The following BRINP3 variants were observed in gnomAD, a reference collection of about 807,000 sequenced individuals.
BRINP3 encodes the protein BMP/retinoic acid inducible neural specific 3.
In BRINP3, 19 loss-of-function variants were observed where a neutral mutation model predicts 71.0. The observed-to-expected ratio is 0.27, with a 90% CI of 0.19 to 0.39. The LOEUF (loss-of-function observed/expected upper bound fraction) is 0.39, where lower values mean the gene tolerates loss of function less well. BRINP3 is among the 10% of genes least tolerant of loss of function. The pLI, the probability that BRINP3 is intolerant of heterozygous loss-of-function variation, is 1.00. For missense variants in BRINP3, 959 were observed against 940.8 expected (o/e 1.02, Z -0.25); for synonymous variants, 380 against 337.7 (o/e 1.13, Z -1.37).
At chr1:190,245,370 T>C (rs1571488395) in intron 4 of BRINP3, among the ~76,000 whole-genome samples, 1 of 151,724 alleles carries the variant, frequency 6.6e-6, no homozygotes, top group East Asian at 1.9e-4. Flanking sequence ...ACAAATTAAT[T>C]ATATAGGAGA....
At chr1:190,338,646 C>T (rs958688163) in intron 2 of BRINP3, among the ~76,000 whole-genome samples, 4 of 151,884 alleles carry the variant, frequency 2.6e-5, no homozygotes, top group Non-Finnish European at 5.9e-5. Flanking sequence ...CTGTTTTTGT[C>T]TATCAATTTA....
intron 6 of BRINP3, among the ~76,000 whole-genome samples, chr1:190,213,634 A>G (rs1411150704): frequency 6.6e-6 from 1 of 152,032 alleles, no homozygotes; most frequent in African/African-American, 2.4e-5. Flanking sequence ...CCTTGCCATG[A>G]TCATGAATAA....
chr1:190,203,479 G>A (rs12744191), intron 6 of BRINP3, among the ~76,000 whole-genome samples: 56,429 of 146,876 alleles, frequency 0.38, 11,473 homozygotes, highest in Non-Finnish European at 0.46. Flanking sequence ...GTGTGTGTGT[G>A]TATATATATA....
intron 1 of BRINP3, among the ~76,000 whole-genome samples, chr1:190,476,196 C>A (rs1429123274): frequency 1.4e-5 from 2 of 147,350 alleles, no homozygotes; most frequent in Admixed American, 1.4e-4. Context: ...AAAAACATTG[C>A]TTGGGTTGTC....
chr1:190,104,801 A>G (rs1454354267), intron 7 of BRINP3, among the ~76,000 whole-genome samples: 1 of 152,058 alleles, frequency 6.6e-6, no homozygotes. Context: ...CTCATGGTTA[A>G]ATCTGCTCTG....
intron 2 of BRINP3, among the ~76,000 whole-genome samples, chr1:190,444,566 T>C (rs191534438): frequency 1.5e-4 from 23 of 152,208 alleles, no homozygotes; most frequent in Admixed American, 1.4e-3. Flanking sequence ...GACAGAGTCT[T>C]GCTCTGTCGC....
intron 1 of BRINP3, among the ~76,000 whole-genome samples, chr1:190,464,928 T>A (rs557586839): frequency 6.6e-6 from 1 of 152,132 alleles, no homozygotes; most frequent in East Asian, 1.9e-4. Flanking sequence ...AGTATTCCTC[T>A]GAGAAATGTG....
chr1:190,099,321 C>A (rs1436355571), intron 7 of BRINP3, among the ~76,000 whole-genome samples, 187 bp from the exon 8 acceptor site: 2 of 151,732 alleles, frequency 1.3e-5, no homozygotes, highest in African/African-American at 4.9e-5. Flanking sequence ...CACACACACA[C>A]ACACACAGAC....
chr1:190,168,948 G>C (rs1483690099), intron 6 of BRINP3, among the ~76,000 whole-genome samples: 1 of 152,100 alleles, frequency 6.6e-6, no homozygotes, highest in Non-Finnish European at 1.5e-5. Context: ...TCATATGTCA[G>C]TTACAAGAGT....
At chr1:190,467,864 T>C (rs1379276024) in intron 1 of BRINP3, among the ~76,000 whole-genome samples, 3 of 151,446 alleles carry the variant, frequency 2.0e-5, no homozygotes, top group Non-Finnish European at 4.4e-5. Context: ...ATAACAGTCT[T>C]TACATAAAAA....
chr1:190,466,414 A>G (rs1462365994), intron 1 of BRINP3, among the ~76,000 whole-genome samples: 1 of 151,726 alleles, frequency 6.6e-6, no homozygotes, highest in Admixed American at 6.6e-5. Flanking sequence ...AAATAAGAGC[A>G]TGTACTCTGA....
intron 6 of BRINP3, among the ~76,000 whole-genome samples, chr1:190,206,996 G>GTT (rs201843251): frequency 4.5e-4 from 61 of 135,446 alleles, no homozygotes; most frequent in East Asian, 3.8e-3. Flanking sequence ...TTGTTTTTTT[G>GTT]TTTTTTTTTT....
chr1:190,336,289 T>G (rs926785782), intron 2 of BRINP3, among the ~76,000 whole-genome samples: 4 of 152,086 alleles, frequency 2.6e-5, no homozygotes, highest in Admixed American at 2.6e-4. Context: ...TAAGATCATT[T>G]TGATGTTGTG....
At chr1:190,205,564 C>G (rs1277696437) in intron 6 of BRINP3, among the ~76,000 whole-genome samples, 2 of 152,044 alleles carry the variant, frequency 1.3e-5, no homozygotes, top group African/African-American at 2.4e-5. Flanking sequence ...CAGAAGCAGA[C>G]TACACTCATC....
chr1:190,116,146 C>A (rs1653118960), intron 7 of BRINP3, among the ~76,000 whole-genome samples: 1 of 152,028 alleles, frequency 6.6e-6, no homozygotes, highest in South Asian at 2.1e-4. Flanking sequence ...TCCAGATAAT[C>A]CTATGCTACA....
intron 2 of BRINP3, among the ~76,000 whole-genome samples, chr1:190,330,720 G>A (rs1666909281): frequency 6.6e-6 from 1 of 151,992 alleles, no homozygotes; most frequent in African/African-American, 2.4e-5. Flanking sequence ...GCAAAGACAT[G>A]GAATCAACAT....
chr1:190,132,407 A>T (rs908567453), intron 7 of BRINP3, among the ~76,000 whole-genome samples: 7 of 152,008 alleles, frequency 4.6e-5, no homozygotes, highest in African/African-American at 1.2e-4. Flanking sequence ...GTTATCTTAG[A>T]TATTTGTATT....
intron 2 of BRINP3, among the ~76,000 whole-genome samples, chr1:190,359,619 A>G (rs1668999763): frequency 6.6e-6 from 1 of 152,054 alleles, no homozygotes; most frequent in Non-Finnish European, 1.5e-5. Flanking sequence ...CAATCAATTA[A>G]TCAATCAATC....
At chr1:190,412,874 T>TA (rs1213713360) in intron 2 of BRINP3, among the ~76,000 whole-genome samples, 1 of 151,736 alleles carries the variant, frequency 6.6e-6, no homozygotes, top group Non-Finnish European at 1.5e-5. Context: ...AGTAGTAATT[T>TA]AAAAAATAAA....
Sources: allele counts gnomAD v4.1 joint callset (sites outside exome capture counted in the v4.1 genomes callset), GRCh38; gene constraint gnomAD v4.1.1; transcripts MANE v1.5; gene names NCBI Gene and HGNC (gene_info 2026-07-23, HGNC 2026-07-21).